The following TSPAN9 variants were observed in gnomAD, a reference collection of about 807,000 sequenced individuals.
TSPAN9 encodes the protein tetraspanin-9.
A neutral mutation model predicts 31.0 loss-of-function variants in TSPAN9; 16 were observed. The observed-to-expected ratio is 0.52, with a 90% confidence interval of 0.35 to 0.78. The LOEUF is 0.78. Ranked by LOEUF, TSPAN9 falls within the 30% of genes least tolerant of loss-of-function variation. The pLI is 0.01. For synonymous variants in TSPAN9, 145 were observed against 121.6 expected, an observed-to-expected ratio of 1.19 and a Z score of -1.27; for missense variants, 272 against 312.5, an observed-to-expected ratio of 0.87 and a Z score of 0.98.
intron 3 of TSPAN9, among the ~76,000 whole-genome samples, chr12:3,273,964 A>G (rs1364859187): frequency 1.3e-5 from 2 of 152,114 alleles, no homozygotes; most frequent in Admixed American, 6.5e-5. Flanking sequence ...TGGAGGGAAC[A>G]CATCAGATTC....
At chr12:3,184,774 C>G (rs992736994) in intron 2 of TSPAN9, among the ~76,000 whole-genome samples, 1 of 152,022 alleles carries the variant, frequency 6.6e-6, no homozygotes, top group African/African-American at 2.4e-5. Flanking sequence ...ACCCGGAGTT[C>G]CTGTTCTGTG....
chr12:3,119,611 C>T (rs548075465), intron 2 of TSPAN9, among the ~76,000 whole-genome samples: 1 of 152,340 alleles, frequency 6.6e-6, no homozygotes, highest in East Asian at 1.9e-4. Context: ...CTGTGTGCTT[C>T]ACTGGAGGGC....
intron 3 of TSPAN9, chr12:3,206,455 C>A: frequency 2.3e-6 from 1 of 427,588 alleles, no homozygotes; most frequent in Non-Finnish European, 4.9e-6. Flanking sequence ...AGCAGGCCTG[C>A]ACCCAGAGCC....
chr12:3,101,812 G>T (rs976000583), intron 2 of TSPAN9, among the ~76,000 whole-genome samples: 4 of 152,192 alleles, frequency 2.6e-5, no homozygotes, highest in Non-Finnish European at 5.9e-5. Context: ...TTAGCCCGTT[G>T]TTTTCCCTGC....
At chr12:3,155,940 C>T (rs570576472) in intron 2 of TSPAN9, among the ~76,000 whole-genome samples, 12 of 152,254 alleles carry the variant, frequency 7.9e-5, no homozygotes, top group Admixed American at 3.9e-4. Context: ...GACTTGAAGA[C>T]GTTGCTCCAT....
intron 2 of TSPAN9, among the ~76,000 whole-genome samples, chr12:3,102,478 A>C (rs2098312305): frequency 7.1e-6 from 1 of 141,820 alleles, no homozygotes; most frequent in Non-Finnish European, 1.5e-5. Context: ...TCTGTCACCT[A>C]GGCTGGAGTG....
chr12:3,247,787 T>C (rs659618), intron 3 of TSPAN9, among the ~76,000 whole-genome samples: 131,476 of 152,172 alleles, frequency 0.86, 58,471 homozygotes, highest in Non-Finnish European at 0.98. Flanking sequence ...GTGCTTGTGG[T>C]TTCCCTGTCA....
intron 3 of TSPAN9, among the ~76,000 whole-genome samples, chr12:3,218,326 A>G (rs2098382452): frequency 6.6e-6 from 1 of 152,216 alleles, no homozygotes; most frequent in Admixed American, 6.5e-5. Context: ...CAGGGAGGAA[A>G]GAGGAGGAGG....
At chr12:3,207,876 G>C (rs951676708) in intron 3 of TSPAN9, among the ~76,000 whole-genome samples, 1 of 152,192 alleles carries the variant, frequency 6.6e-6, no homozygotes, top group Non-Finnish European at 1.5e-5. Context: ...GTGGATGTTC[G>C]CATCAGCCAG....
chr12:3,184,456 A>C (rs2098360094), intron 2 of TSPAN9, among the ~76,000 whole-genome samples: 1 of 152,014 alleles, frequency 6.6e-6, no homozygotes, highest in Non-Finnish European at 1.5e-5. Flanking sequence ...AGAAAGAGAA[A>C]GAGAAAAAAA....
rs981208202 is a variant in TSPAN9, at chr12:3,098,053, A to T, written c.-18+14334A>T. Reference sequence around the variant, plus strand: ...TGCACCGATGCAGGACGTCGGCCAGAGTGCAGAGTGCAGAGTGCAGCCGGA... The same window carrying T: ...TGCACCGATGCAGGACGTCGGCCAGTGTGCAGAGTGCAGAGTGCAGCCGGA... On this transcript the variant is annotated intron_variant, in intron 2 of 8. Coordinates refer to ENST00000011898, the MANE Select transcript of TSPAN9 (RefSeq NM_006675.5). Among the ~76,000 whole-genome samples the T allele has an allele frequency of 4.4e-4, 66 of 151,668 alleles. 1 individual carries two copies. Among genetic ancestry groups the T allele is most frequent in the Admixed American group, 4.3e-3 (65 of 15,258 alleles).
chr12:3,196,564 G>A (rs1490326098), intron 2 of TSPAN9, among the ~76,000 whole-genome samples: 1 of 152,196 alleles, frequency 6.6e-6, no homozygotes, highest in African/African-American at 2.4e-5. Flanking sequence ...GAGTTACTTT[G>A]TGGGAAGCTG....
At chr12:3,163,634 T>C (rs1462353214) in intron 2 of TSPAN9, among the ~76,000 whole-genome samples, 2 of 152,204 alleles carry the variant, frequency 1.3e-5, no homozygotes, top group Non-Finnish European at 2.9e-5. Context: ...AGGATTTTCC[T>C]GGGTTTCACA....
chr12:3,186,332 G>A (rs1322993118), intron 2 of TSPAN9, among the ~76,000 whole-genome samples: 1 of 152,186 alleles, frequency 6.6e-6, no homozygotes, highest in Non-Finnish European at 1.5e-5. Flanking sequence ...GAGTGTGCTG[G>A]GGGAGGTACA....
intron 3 of TSPAN9, among the ~76,000 whole-genome samples, chr12:3,224,910 G>T (rs943031183): frequency 4.6e-5 from 7 of 152,122 alleles, no homozygotes; most frequent in African/African-American, 7.2e-5. Flanking sequence ...CTGTGGTCAG[G>T]ATTACAGGGC....
chr12:3,264,629 A>G (rs1862509608), intron 3 of TSPAN9, among the ~76,000 whole-genome samples: 2 of 152,180 alleles, frequency 1.3e-5, no homozygotes, highest in Admixed American at 1.3e-4. Context: ...GGGCAGTGGC[A>G]GGACCTCCCT....
chr12:3,234,603 AAG>A (rs1255763198), intron 3 of TSPAN9, among the ~76,000 whole-genome samples: 1 of 152,156 alleles, frequency 6.6e-6, no homozygotes, highest in Non-Finnish European at 1.5e-5. Flanking sequence ...TGTTTTGAAA[AAG>A]GCTTTCAGGT....
Position 3,192,169 on chromosome 12 carries a change from C to T in TSPAN9, c.-17-9008C>T, listed in dbSNP as rs1242925037. Among the ~76,000 whole-genome samples the T allele has an allele frequency of 6.6e-6, 1 of 152,084 alleles. No individual in the cohort carries two copies. The highest frequency in any genetic ancestry group is 1.5e-5 in the Non-Finnish European group (1 of 68,012). ...CAGTCATGCCGGCCGTTTAGGGTTG[C>T]TCTAAGGATTTGGACTGTACTAGAA... On this transcript the variant is annotated intron_variant, in intron 2 of 8. Transcript: ENST00000011898. This position sits in a 1 kb window ranked among gnomAD's most constrained non-coding sequence, Gnocchi z 4.6.
At chr12:3,167,739 T>C (rs1591657026) in intron 2 of TSPAN9, among the ~76,000 whole-genome samples, 1 of 152,276 alleles carries the variant, frequency 6.6e-6, no homozygotes, top group East Asian at 1.9e-4. Flanking sequence ...TGGCAGGGGC[T>C]AGGAGCTGCT....
Sources: allele counts gnomAD v4.1 joint callset (sites outside exome capture counted in the v4.1 genomes callset), GRCh38; gene constraint gnomAD v4.1.1; non-coding constraint Gnocchi (gnomAD v3.1); transcripts MANE v1.5; gene names NCBI Gene and HGNC (gene_info 2026-07-23, HGNC 2026-07-21).